Variants in PDE4D observed in about 807,000 individuals in gnomAD.
The protein encoded by PDE4D is phosphodiesterase 4D.
A neutral mutation model predicts 87.4 loss-of-function variants in PDE4D; 24 were observed. The ratio of observed to expected loss-of-function variants is 0.27; its 90% CI spans 0.20 to 0.39. The LOEUF is 0.39. PDE4D is among the 10% of genes least tolerant of loss of function. PDE4D has a pLI of 1.00. For synonymous variants in PDE4D, 384 were observed against 383.2 expected, an observed-to-expected ratio of 1.00 and a Z score of -0.02; for missense variants, 714 against 1,041.0, an observed-to-expected ratio of 0.69 and a Z score of 4.32.
intron 2 of PDE4D, among the ~76,000 whole-genome samples, chr5:60,090,649 T>C (rs1308492520): frequency 6.6e-6 from 1 of 152,152 alleles, no homozygotes; most frequent in Non-Finnish European, 1.5e-5. Context: ...ACCACTGTTA[T>C]TCAAGATAGC....
chr5:59,882,895 A>G (rs371794243), intron 1 of PDE4D, among the ~76,000 whole-genome samples: 5 of 152,014 alleles, frequency 3.3e-5, no homozygotes, highest in African/African-American at 1.2e-4. Flanking sequence ...CTCGTGTCTC[A>G]GCCTCTTGAG....
rs114508545 is a variant in PDE4D at position 60,241,694 on chromosome 5, G to T, written c.-89-56007C>A. Among the ~76,000 whole-genome samples, 1,517 of 152,090 alleles carry T rather than the reference G, an allele frequency of 1.0e-2. 32 individuals are homozygous for T. The highest frequency in any genetic ancestry group is 0.035 in the African/African-American group (1,438 of 41,494). On this transcript the variant is annotated intron_variant, in intron 1 of 16. Coordinates refer to the PDE4D transcript ENST00000502484. The stretch of plus-strand genomic sequence containing the variant: ...CAAGATCTAGAAAATAGCCTCAAAA[G>T]GGCAGATCTTAGAGTTATTGGCCAT...
At chr5:59,365,616 C>T (rs893274866) in intron 1 of PDE4D, among the ~76,000 whole-genome samples, 2 of 152,156 alleles carry the variant, frequency 1.3e-5, no homozygotes, top group African/African-American at 4.8e-5. Context: ...TCTTTCTATT[C>T]TGTTAAAGTG....
rs901251194 is a variant in PDE4D at position 59,732,280 on chromosome 5, C to T, written c.455+160888G>A. 2.0e-5 allele frequency among the ~76,000 whole-genome samples: 3 copies of T among 151,940 alleles called. No homozygotes were observed. The East Asian group carries it at 5.8e-4, about 29-fold the overall frequency. On this transcript the variant is annotated intron_variant, in intron 1 of 14. Transcript: ENST00000340635. The stretch of plus-strand genomic sequence containing the variant: ...AAGGATTAAAAATGAAGCAAGCTAA[C>T]CTGTCCTTCTCTGAAAACCTGTACA...
intron 1 of PDE4D, among the ~76,000 whole-genome samples, chr5:59,393,994 T>C (rs1284735319): frequency 6.6e-6 from 1 of 152,234 alleles, no homozygotes; most frequent in East Asian, 1.9e-4. Flanking sequence ...CTAGAGCCAT[T>C]GTACTGTGGG....
chr5:59,371,289 T>G (rs964300776), intron 1 of PDE4D, among the ~76,000 whole-genome samples: 14 of 152,300 alleles, frequency 9.2e-5, no homozygotes, highest in African/African-American at 3.4e-4. Flanking sequence ...ACTTACCAAG[T>G]TTCTCTGAAC....
intron 1 of PDE4D, among the ~76,000 whole-genome samples, chr5:60,248,265 G>A (rs1002812650): frequency 6.6e-6 from 1 of 151,976 alleles, no homozygotes; most frequent in African/African-American, 2.4e-5. Context: ...AAATGAAGGT[G>A]GAAAGGCCCT....
intron 2 of PDE4D, among the ~76,000 whole-genome samples, chr5:60,111,448 T>G (rs1336515704): frequency 6.6e-6 from 1 of 152,028 alleles, no homozygotes; most frequent in Non-Finnish European, 1.5e-5. Context: ...ATCATATATT[T>G]GTTAAACATC....
At chr5:59,217,063 A>G (rs1428512809) in intron 1 of PDE4D, among the ~76,000 whole-genome samples, 1 of 151,964 alleles carries the variant, frequency 6.6e-6, no homozygotes, top group Non-Finnish European at 1.5e-5. Flanking sequence ...TCAGCAATAC[A>G]TATTTTAGAG....
intron 1 of PDE4D, among the ~76,000 whole-genome samples, chr5:60,393,320 T>G (rs1001065779): frequency 2.0e-5 from 3 of 152,266 alleles, no homozygotes; most frequent in Non-Finnish European, 4.4e-5. Flanking sequence ...GGAGAAAGGC[T>G]TTTCTAAGCC....
At chr5:60,056,219 C>T (rs548822120) in intron 2 of PDE4D, among the ~76,000 whole-genome samples, 6 of 152,092 alleles carry the variant, frequency 3.9e-5, no homozygotes, top group African/African-American at 9.6e-5. Flanking sequence ...ATGAACCCAT[C>T]GCAGCATTTT....
chr5:59,288,434 A>G (rs1314331659), intron 1 of PDE4D, among the ~76,000 whole-genome samples: 1 of 151,970 alleles, frequency 6.6e-6, no homozygotes, highest in East Asian at 1.9e-4. Context: ...AAAAAGAAAG[A>G]GGCATTCCTA....
At chr5:59,120,675 A>G (rs1301320272) in intron 5 of PDE4D, among the ~76,000 whole-genome samples, 1 of 151,472 alleles carries the variant, frequency 6.6e-6, no homozygotes, top group Non-Finnish European at 1.5e-5. Flanking sequence ...ATAAAAAAAA[A>G]CTTAAAATTT....
intron 1 of PDE4D, among the ~76,000 whole-genome samples, chr5:60,446,228 A>G (rs1160347454): frequency 6.6e-6 from 1 of 152,074 alleles, no homozygotes. Context: ...CTGGAGAGCA[A>G]TTTGGCCAAA....
chr5:60,494,083 T>C (rs1749685176), intron 1 of PDE4D, among the ~76,000 whole-genome samples: 1 of 152,164 alleles, frequency 6.6e-6, no homozygotes, highest in African/African-American at 2.4e-5. Flanking sequence ...TTAGGCATCA[T>C]CTCTGGTCCT....
At chr5:59,149,707 T>A (rs1481701911) in intron 5 of PDE4D, among the ~76,000 whole-genome samples, 1 of 12,496 alleles carries the variant, frequency 8.0e-5, no homozygotes, top group Non-Finnish European at 1.8e-4. Flanking sequence ...TCTCCTCGAG[T>A]TTTTTTTTTT....
In PDE4D at chr5:59,969,000, C is replaced by G. The variant is rs937517717; in HGVS notation, c.272+19488G>C. 7.4e-5 allele frequency among the ~76,000 whole-genome samples: 10 copies of G among 135,562 alleles called. No homozygotes were observed. The South Asian group carries it at 2.0e-3, about 27-fold the overall frequency. 88.9% of individuals were successfully genotyped at this position (135,562 alleles called of 152,430 possible). A position where few individuals can be genotyped will look rare whatever the true frequency, so the allele number is the denominator to read the frequency against. The stretch of plus-strand genomic sequence containing the variant: ...TCAAGGAAGAAAAGGCACCCCCCCC[C>G]CGAAAAAAAGAGAAGCATCTTGATA... On this transcript the variant is annotated intron_variant, in intron 3 of 16. Coordinates refer to the PDE4D transcript ENST00000502484.
intron 1 of PDE4D, among the ~76,000 whole-genome samples, chr5:59,560,507 G>C (rs1819789147): frequency 6.6e-6 from 1 of 152,138 alleles, no homozygotes; most frequent in Non-Finnish European, 1.5e-5. Context: ...CTTGTTCTCC[G>C]CTATCTCTGC....
chr5:59,457,363 G>T (rs1026481878), intron 1 of PDE4D, among the ~76,000 whole-genome samples: 8 of 152,156 alleles, frequency 5.3e-5, no homozygotes, highest in Non-Finnish European at 7.3e-5. Context: ...TTAAAATTAA[G>T]GTATGCACGT....
Sources: allele counts gnomAD v4.1 joint callset (sites outside exome capture counted in the v4.1 genomes callset), GRCh38; gene constraint gnomAD v4.1.1; transcripts MANE v1.5; gene names NCBI Gene and HGNC (gene_info 2026-07-23, HGNC 2026-07-21).